The following RFX3 variants were observed in gnomAD, a reference collection of about 807,000 sequenced individuals.
RFX3 encodes the protein transcription factor RFX3.
RFX3 carries 14 observed loss-of-function variants against 98.6 expected under a neutral mutation model. The ratio of observed to expected loss-of-function variants is 0.14; its 90% CI spans 0.09 to 0.22. RFX3 has a LOEUF of 0.22. Ranked by LOEUF, RFX3 falls within the 10% of genes least tolerant of loss-of-function variation. The pLI is 1.00. For synonymous variants in RFX3, 383 were observed against 328.4 expected (o/e 1.17, Z -1.80); for missense variants, 639 against 926.9 (o/e 0.69, Z 4.03).
intron 1 of RFX3, among the ~76,000 whole-genome samples, chr9:3,484,373 A>C (rs10115578): frequency 1.3e-5 from 2 of 152,116 alleles, no homozygotes; most frequent in Non-Finnish European, 2.9e-5. Context: ...ATGAAATACA[A>C]GACAATGCAA....
intron 13 of RFX3, among the ~76,000 whole-genome samples, chr9:3,261,547 T>C (rs1361956868): frequency 1.3e-5 from 2 of 152,154 alleles, no homozygotes; most frequent in Non-Finnish European, 2.9e-5. Flanking sequence ...TATTAATCAG[T>C]TGACGGACAT....
chr9:3,227,849 C>T (rs562734436), intron 16 of RFX3, among the ~76,000 whole-genome samples: 1 of 152,134 alleles, frequency 6.6e-6, no homozygotes, highest in Non-Finnish European at 1.5e-5. Flanking sequence ...CATTTCCCTG[C>T]GCTGCTAGTG....
At chr9:3,325,916 C>A (rs1473481835) in intron 4 of RFX3, among the ~76,000 whole-genome samples, 1 of 152,042 alleles carries the variant, frequency 6.6e-6, no homozygotes, top group Non-Finnish European at 1.5e-5. Flanking sequence ...AGTTAGAAGA[C>A]AGATGTATAA....
chr9:3,344,763 T>C, intron 3 of RFX3: 1 of 677,992 alleles, frequency 1.5e-6, no homozygotes, highest in Non-Finnish European at 2.7e-6. Context: ...AAGCCATTTA[T>C]TTTCCCTGAG....
At chr9:3,385,687 TAAAAA>T (rs1163965329) in intron 2 of RFX3, among the ~76,000 whole-genome samples, 22 of 118,688 alleles carry the variant, frequency 1.9e-4, no homozygotes, top group Non-Finnish European at 3.4e-4. Context: ...CAGCCTGTCT[TAAAAA>T]AAAAAAAAAA....
rs372186546 is a variant in RFX3, at chr9:3,247,889, G to A, written c.1968+143C>T. Reference sequence around the variant, plus strand: ...GAACAGAGGAATTTAAGGAACTCTTGCAATAACTCCACAGTCCCTCCTGGC... The same window carrying A: ...GAACAGAGGAATTTAAGGAACTCTTACAATAACTCCACAGTCCCTCCTGGC... On this transcript the variant is annotated intron_variant, in intron 15 of 16. Transcript: ENST00000617270. 2.5e-6 allele frequency: 4 copies of A among 1,609,188 alleles called. No individual in the cohort carries two copies. The African/African-American group carries it at 4.0e-5, about 16-fold the overall frequency.
Position 3,493,554 on chromosome 9 carries a change from C to T in RFX3, c.-9+32193G>A, listed in dbSNP as rs142891348. On this transcript the variant is annotated intron_variant, in intron 1 of 16. Transcript: ENST00000617270. ...AAAAAATTTTCCGGGCGTGGTGGCA[C>T]GCGCCTGTATTCCCAGCTACTCAGG... is the stretch of plus-strand genomic sequence containing the variant. 9.8e-3 allele frequency among the ~76,000 whole-genome samples: 1,485 copies of T among 151,356 alleles called. 21 individuals are homozygous for T. The highest frequency in any genetic ancestry group is 0.034 in the African/African-American group (1,421 of 41,310).
intron 2 of RFX3, among the ~76,000 whole-genome samples, chr9:3,378,933 A>G (rs572174077): frequency 1.1e-3 from 169 of 152,216 alleles, no homozygotes; most frequent in African/African-American, 4.0e-3. Flanking sequence ...TCAGATAGTG[A>G]CTGCTTACGC....
At chr9:3,500,261 G>C (rs543421795) in intron 1 of RFX3, among the ~76,000 whole-genome samples, 1 of 152,078 alleles carries the variant, frequency 6.6e-6, no homozygotes, top group Non-Finnish European at 1.5e-5. Flanking sequence ...ACAGCGCATA[G>C]CAAAGCAAAG....
chr9:3,386,873 G>C (rs576864252), intron 2 of RFX3, among the ~76,000 whole-genome samples: 2 of 152,216 alleles, frequency 1.3e-5, no homozygotes, highest in South Asian at 4.1e-4. Flanking sequence ...TAAGTCAACT[G>C]AGTAGGAAGA....
intron 4 of RFX3, among the ~76,000 whole-genome samples, chr9:3,325,349 T>C (rs1412753248): frequency 6.6e-6 from 1 of 152,072 alleles, no homozygotes; most frequent in East Asian, 1.9e-4. Flanking sequence ...GCCAAACTTT[T>C]ACTTATATAG....
chr9:3,247,069 C>A (rs994064844), intron 15 of RFX3: 8 of 983,392 alleles, frequency 8.1e-6, no homozygotes, highest in African/African-American at 3.5e-5. Flanking sequence ...TATATAAGCA[C>A]ATACACATAG....
intron 4 of RFX3, among the ~76,000 whole-genome samples, chr9:3,319,928 A>G (rs1388234603): frequency 6.6e-6 from 1 of 152,184 alleles, no homozygotes; most frequent in Non-Finnish European, 1.5e-5. Flanking sequence ...AAAATGTTGA[A>G]CAGTAAGAAT....
At chr9:3,362,250 G>C (rs151095616) in intron 2 of RFX3, among the ~76,000 whole-genome samples, 375 of 152,290 alleles carry the variant, frequency 2.5e-3, no homozygotes, top group African/African-American at 8.7e-3. Context: ...GAATCTTCTA[G>C]GAATGGTAGC....
intron 1 of RFX3, among the ~76,000 whole-genome samples, chr9:3,414,989 CATATATATACTTATATATACTCAT>C (rs979491088): frequency 7.7e-6 from 1 of 129,846 alleles, no homozygotes; most frequent in African/African-American, 2.9e-5. Flanking sequence ...TATATATACT[CATATATATACTTATATATACTCAT>C]ATATATACTT....
chr9:3,280,991 T>G (rs994457639), intron 7 of RFX3, among the ~76,000 whole-genome samples: 1 of 151,812 alleles, frequency 6.6e-6, no homozygotes, highest in Non-Finnish European at 1.5e-5. Flanking sequence ...TTTGAATGAA[T>G]AAATGTTTAA....
At chr9:3,359,405 T>C (rs956928005) in intron 2 of RFX3, among the ~76,000 whole-genome samples, 1 of 152,072 alleles carries the variant, frequency 6.6e-6, no homozygotes, top group Non-Finnish European at 1.5e-5. Flanking sequence ...TTTGTTATAA[T>C]AGTAAAGGTG....
chr9:3,248,193 A>G lies in RFX3; in HGVS notation c.1815-8T>C, dbSNP rs368923608. On this transcript the variant is annotated splice_region_variant and splice_polypyrimidine_tract_variant and intron_variant, in intron 14 of 16. Coordinates refer to ENST00000617270, the MANE Select transcript of RFX3 (RefSeq NM_001282116.2). ...TCCCGAATAACCATTGAGCTGTTCC[A>G]AGAGAAAAGACAAATATGCAGCTAA... The G allele has an allele frequency of 6.3e-7, 1 of 1,587,482 alleles. No homozygotes were observed. The highest frequency in any genetic ancestry group is 8.6e-7 in the Non-Finnish European group (1 of 1,165,554).
intron 1 of RFX3, among the ~76,000 whole-genome samples, chr9:3,521,291 T>C (rs1190248866): frequency 1.3e-5 from 2 of 152,162 alleles, no homozygotes; most frequent in Non-Finnish European, 2.9e-5. Flanking sequence ...GCCAAAGATA[T>C]CAATCTTTAT....
Sources: gnomAD v4.1 joint callset for allele counts (sites outside exome capture counted in the v4.1 genomes callset) on GRCh38, gnomAD v4.1.1 for gene constraint, MANE v1.5 for transcripts, NCBI Gene and HGNC (gene_info 2026-07-23, HGNC 2026-07-21) for gene names.